The following PLCL1 variants were observed in gnomAD, a reference collection of about 807,000 sequenced individuals.
PLCL1 encodes the protein inactive phospholipase C-like protein 1.
Under a neutral mutation model 84.4 loss-of-function variants are expected in PLCL1, and 41 were observed. The observed-to-expected ratio is 0.49, with a 90% CI of 0.38 to 0.63. The LOEUF (loss-of-function observed/expected upper bound fraction) is 0.63, where lower values mean the gene tolerates loss of function less well. PLCL1 is among the 30% of genes least tolerant of loss of function. PLCL1 has a pLI of 0.00. For synonymous variants in PLCL1, 490 were observed against 488.3 expected (o/e 1.00, Z -0.05); for missense variants, 1,206 against 1,367.8 (o/e 0.88, Z 1.87).
chr2:197,874,320 A>T (rs1344398260), intron 1 of PLCL1, among the ~76,000 whole-genome samples: 1 of 152,154 alleles, frequency 6.6e-6, no homozygotes, highest in Non-Finnish European at 1.5e-5. Context: ...TATAGAAAAA[A>T]GTAACTTTAA....
intron 1 of PLCL1, among the ~76,000 whole-genome samples, chr2:198,075,718 T>C (rs1402247596): frequency 6.6e-6 from 1 of 152,242 alleles, no homozygotes; most frequent in Non-Finnish European, 1.5e-5. Context: ...AAGCTGTTTT[T>C]ATTGTTTATT....
At chr2:198,075,566 T>C (rs1033569177) in intron 1 of PLCL1, among the ~76,000 whole-genome samples, 4 of 152,122 alleles carry the variant, frequency 2.6e-5, no homozygotes, top group African/African-American at 9.7e-5. Flanking sequence ...AAGAGGAGAA[T>C]GACAAGATTA....
In PLCL1 at chr2:198,089,026, G is replaced by A. The variant is rs1164384396; in HGVS notation, c.2884G>A (p.Asp962Asn). The A allele has an allele frequency of 6.2e-7, 1 of 1,613,956 alleles. No individual in the cohort carries two copies. The highest frequency in any genetic ancestry group is 8.5e-7 in the Non-Finnish European group (1 of 1,179,942). Residue 962 changes from aspartate to asparagine, a missense_variant, in exon 3 of 6, where the codon GAT (aspartate) becomes AAT (asparagine). Asp to Asn is a conservative substitution (Grantham distance 23). Coordinates refer to ENST00000428675, the MANE Select transcript of PLCL1 (RefSeq NM_006226.4). ...CCTGGAGCCTCTGGGTGCAATTCCA[G>A]ATGTGCAGAAAAAGATGCTGACTGC... ...PYLEPLGAIP[D>N]VQKKMLTAYD...
intron 3 of PLCL1, among the ~76,000 whole-genome samples, chr2:198,091,685 A>AAAAATAAAATAAAATAAAAT (rs567680554): frequency 2.5e-5 from 3 of 118,210 alleles, no homozygotes; most frequent in South Asian, 3.4e-4. Flanking sequence ...ATCTCAAATA[A>AAAAATAAAATAAAATAAAAT]AAAATAAAAT....
chr2:198,120,890 C>T (rs1693851936), intron 5 of PLCL1, among the ~76,000 whole-genome samples: 1 of 152,106 alleles, frequency 6.6e-6, no homozygotes, highest in East Asian at 1.9e-4. Context: ...TGAGGAAGCT[C>T]CAAATTGTTC....
At chr2:197,893,641 C>T (rs1409973303) in intron 1 of PLCL1, among the ~76,000 whole-genome samples, 1 of 152,130 alleles carries the variant, frequency 6.6e-6, no homozygotes. Flanking sequence ...ACAGTGAATG[C>T]CTGGTCTGGA....
chr2:197,864,751 G>A (rs751152043), intron 1 of PLCL1, among the ~76,000 whole-genome samples: 15 of 152,026 alleles, frequency 9.9e-5, no homozygotes, highest in Non-Finnish European at 1.9e-4. Flanking sequence ...TGGGATTACA[G>A]GCATGAACAC....
At chr2:197,905,456 A>G (rs1485351735) in intron 1 of PLCL1, among the ~76,000 whole-genome samples, 1 of 152,220 alleles carries the variant, frequency 6.6e-6, no homozygotes, top group African/African-American at 2.4e-5. Flanking sequence ...ATAGTATTCC[A>G]TGCTGTATAT....
chr2:197,862,040 G>A (rs1687442264), intron 1 of PLCL1, among the ~76,000 whole-genome samples: 1 of 152,140 alleles, frequency 6.6e-6, no homozygotes, highest in South Asian at 2.1e-4. Flanking sequence ...CAAACTTCTA[G>A]CATTTTCCCC....
intron 1 of PLCL1, among the ~76,000 whole-genome samples, chr2:197,953,655 C>A (rs578153440): frequency 6.6e-6 from 1 of 152,006 alleles, no homozygotes; most frequent in Non-Finnish European, 1.5e-5. Flanking sequence ...CACAATCATG[C>A]TCTTACTTAT....
chr2:197,967,325 T>C (rs1689764331), intron 1 of PLCL1, among the ~76,000 whole-genome samples: 1 of 152,184 alleles, frequency 6.6e-6, no homozygotes, highest in African/African-American at 2.4e-5. Flanking sequence ...GCCTCCAGGA[T>C]AGCTGGGATT....
chr2:198,097,315 A>G (rs1053036522), intron 3 of PLCL1, among the ~76,000 whole-genome samples: 1 of 152,190 alleles, frequency 6.6e-6, no homozygotes, highest in African/African-American at 2.4e-5. Flanking sequence ...ACTTGGTACC[A>G]GGATCTCTAG....
Position 198,081,405 on chromosome 2 carries a change from C to T in PLCL1, c.241-2353C>T, listed in dbSNP as rs529409801. 4.6e-5 allele frequency among the ~76,000 whole-genome samples: 7 copies of T among 152,208 alleles called. No homozygotes were observed. The East Asian group carries it at 5.8e-4, about 13-fold the overall frequency. On this transcript the variant is annotated intron_variant, in intron 1 of 5. Transcript: ENST00000428675. ...CCTGTCTCAGCAATGCCATTAGGTG[C>T]CTGCCTTGATGGTGTGGAAAAATAC...
At chr2:197,983,751 G>C (rs1054873859) in intron 1 of PLCL1, among the ~76,000 whole-genome samples, 1 of 152,202 alleles carries the variant, frequency 6.6e-6, no homozygotes, top group African/African-American at 2.4e-5. Flanking sequence ...TTCTAAAGAT[G>C]GAACTTTGTG....
intron 1 of PLCL1, among the ~76,000 whole-genome samples, chr2:197,849,281 T>C (rs1188629620): frequency 6.6e-6 from 1 of 152,156 alleles, no homozygotes; most frequent in African/African-American, 2.4e-5. Flanking sequence ...GTGAGGCGGC[T>C]CATGCCTGTA....
At chr2:197,833,076 G>C (rs1041118627) in intron 1 of PLCL1, among the ~76,000 whole-genome samples, 2 of 152,176 alleles carry the variant, frequency 1.3e-5, no homozygotes, top group African/African-American at 4.8e-5. Context: ...GGTGACATGT[G>C]CCTGGAATCC....
chr2:198,010,996 A>G (rs950130529), intron 1 of PLCL1, among the ~76,000 whole-genome samples: 13 of 151,706 alleles, frequency 8.6e-5, no homozygotes, highest in Non-Finnish European at 8.8e-5. Context: ...AATTTTAGCC[A>G]TAGAGTCTTC....
At position 197,968,884 on chromosome 2, in the gene PLCL1, G is replaced by A. The variant is rs186899364; in HGVS notation, c.241-114874G>A. On this transcript the variant is annotated intron_variant, in intron 1 of 5. Transcript: ENST00000428675. ...TCTGATGGCTGGTTCAGAGATGGCT[G>A]TTTTATAAGTTAAGAGTAATTCATT... 4.6e-5 allele frequency among the ~76,000 whole-genome samples: 7 copies of A among 152,274 alleles called. No homozygotes were observed. In the East Asian group the frequency reaches 1.3e-3, roughly 29 times the overall value.
chr2:198,059,312 C>A (rs1374853457), intron 1 of PLCL1, among the ~76,000 whole-genome samples: 1 of 152,040 alleles, frequency 6.6e-6, no homozygotes, highest in South Asian at 2.1e-4. Flanking sequence ...AAAAAGAAAT[C>A]AAATATTTAA....
Sources: allele counts gnomAD v4.1 joint callset (sites outside exome capture counted in the v4.1 genomes callset), GRCh38; gene constraint gnomAD v4.1.1; transcripts MANE v1.5; gene names NCBI Gene and HGNC (gene_info 2026-07-23, HGNC 2026-07-21).